DHX9: variants seen among roughly 807,000 people sequenced by gnomAD.
The protein encoded by DHX9 is ATP-dependent RNA helicase A.
DHX9 carries 27 observed loss-of-function variants against 148.7 expected under a neutral mutation model. That is an observed-to-expected ratio of 0.18 (90% CI 0.13 to 0.25). The LOEUF is 0.25. DHX9 is among the 10% of genes least tolerant of loss of function. The probability of loss-of-function intolerance (pLI) is 1.00; values close to 1 mark genes in which losing one functional copy is unlikely to be tolerated. For synonymous variants in DHX9, 529 were observed against 516.6 expected, an observed-to-expected ratio of 1.02 and a Z score of -0.33; for missense variants, 796 against 1,559.6, an observed-to-expected ratio of 0.51 and a Z score of 8.25.
At chr1:182,866,420 C>T (rs1220774982) in intron 12 of DHX9, 24 bp from the exon 13 acceptor site, 1 of 1,609,670 alleles carries the variant, frequency 6.2e-7, no homozygotes, top group South Asian at 1.1e-5. Context: ...GTTGTTAAGT[C>T]ACTTTTCTTT....
chr1:182,864,025 G>A (rs1407477156), intron 12 of DHX9, among the ~76,000 whole-genome samples: 3 of 152,226 alleles, frequency 2.0e-5, no homozygotes, highest in South Asian at 2.1e-4. Flanking sequence ...TTAATTAGGC[G>A]TGATGGCACC....
intron 26 of DHX9, 116 bp downstream of exon 26, chr1:182,883,751 A>G (rs1313892430): frequency 6.7e-6 from 4 of 594,216 alleles, no homozygotes; most frequent in South Asian, 6.4e-5. Context: ...ATTATATACT[A>G]TATACTTAAT....
At position 182,881,790 on chromosome 1, in the gene DHX9, A is replaced by G. The variant is rs527636793; in HGVS notation, c.2914+143A>G. On this transcript the variant is annotated intron_variant, in intron 24 of 27. Coordinates refer to ENST00000367549, the MANE Select transcript of DHX9 (RefSeq NM_001357.5). ...CGACTATTTCTTAGTTCTCGTGAAC[A>G]CTGGTCTAGTTCCCAGAATGAGTAC... The G allele has an allele frequency of 8.2e-6, 7 of 857,152 alleles. No homozygotes were observed. In the Admixed American group the frequency reaches 1.7e-4, roughly 20 times the overall value. The allele number at this position is 857,152 out of a possible 1,614,324, so 53.1% of individuals were successfully genotyped here.
chr1:182,867,215 CTTTA>C (rs1648335319), intron 14 of DHX9, among the ~76,000 whole-genome samples, 172 bp downstream of exon 14: 1 of 151,600 alleles, frequency 6.6e-6, no homozygotes, highest in South Asian at 2.1e-4. Flanking sequence ...TCTTTTTTTT[CTTTA>C]TTGTTAAACT....
Position 182,843,296 on chromosome 1 carries a change from T to C in DHX9, c.114T>C (p.Val38=), listed in dbSNP as rs370529753. 2 of 1,568,218 alleles carry C rather than the reference T, an allele frequency of 1.3e-6. No individual in the cohort carries two copies. Among genetic ancestry groups the C allele is most frequent in the Non-Finnish European group, 1.7e-6 (2 of 1,164,674 alleles). The part of the protein sequence containing the change: ...NKNRQKFMCE[V]QVEGYNYTGM... ...AGTACTTTTTTTTTTTTTTAAAGGT[T>C]CAGGTGGAAGGTTATAATTACACTG... is the stretch of plus-strand genomic sequence containing the variant. The change falls in exon 3 of 28, where the codon GTT becomes GTC. Residue 38 remains valine, a splice_region_variant and synonymous_variant. Transcript: ENST00000367549.
chr1:182,857,955 A>T (rs1322926639), intron 7 of DHX9, 149 bp from the exon 8 acceptor site: 2 of 714,340 alleles, frequency 2.8e-6, no homozygotes, highest in African/African-American at 3.6e-5. Context: ...TGTTTAGCAG[A>T]TATTAATAGA....
rs941249040 is a variant in DHX9, at chr1:182,887,611, A to G, written c.*177A>G. Reference sequence around the variant, plus strand: ...TATAGATGCATTAGTGATTTTGTTTATATTATGTAAAATATAACGATCTCT... The same window carrying G: ...TATAGATGCATTAGTGATTTTGTTTGTATTATGTAAAATATAACGATCTCT... On this transcript the variant is annotated 3_prime_UTR_variant, in exon 28 of 28. Transcript: ENST00000367549. 6.2e-5 allele frequency: 36 copies of G among 580,622 alleles called. No individual in the cohort carries two copies. The highest frequency in any genetic ancestry group is 7.0e-5 in the Non-Finnish European group (23 of 327,602). The allele number at this position is 580,622 out of a possible 1,614,324, so 36.0% of individuals were successfully genotyped here. A position where few individuals can be genotyped will look rare whatever the true frequency, so the allele number is the denominator to read the frequency against.
intron 6 of DHX9, among the ~76,000 whole-genome samples, chr1:182,856,127 A>G (rs970677038): frequency 6.6e-6 from 1 of 152,246 alleles, no homozygotes; most frequent in African/African-American, 2.4e-5. Context: ...TGGCCTATGC[A>G]AAGGAATCTT....
At chr1:182,857,874 A>G (rs1280524595) in intron 7 of DHX9, among the ~76,000 whole-genome samples, 1 of 152,228 alleles carries the variant, frequency 6.6e-6, no homozygotes, top group East Asian at 1.9e-4. Context: ...ATTGATTTGT[A>G]TGAGTCCTAG....
chr1:182,856,087 T>A (rs1668246618), intron 6 of DHX9, among the ~76,000 whole-genome samples: 1 of 152,220 alleles, frequency 6.6e-6, no homozygotes, highest in African/African-American at 2.4e-5. Flanking sequence ...TTTGCGTATA[T>A]TAGCTTAATA....
rs950659498 is a variant in DHX9, at chr1:182,878,245, T to C, written c.2351+72T>C. On this transcript the variant is annotated intron_variant, in intron 20 of 27. Coordinates refer to ENST00000367549, the MANE Select transcript of DHX9 (RefSeq NM_001357.5). Reference sequence around the variant, plus strand: ...CTGTAGGGACAGATGTGTGCAGTTATGTAAACCTGCCAATATAAGCTGATC... The same window carrying C: ...CTGTAGGGACAGATGTGTGCAGTTACGTAAACCTGCCAATATAAGCTGATC... The C allele has an allele frequency of 3.2e-5, 49 of 1,518,124 alleles. 1 individual carries two copies. In the Middle Eastern group the frequency reaches 1.1e-3, roughly 33 times the overall value. The allele number at this position is 1,518,124 out of a possible 1,614,324, so 94.0% of individuals were successfully genotyped here.
intron 2 of DHX9, among the ~76,000 whole-genome samples, 172 bp downstream of exon 2, chr1:182,842,849 A>G (rs1667956416): frequency 6.6e-6 from 1 of 152,212 alleles, no homozygotes; most frequent in South Asian, 2.1e-4. Context: ...TACTTTTAAA[A>G]CAATCTGACA....
At chr1:182,850,089 TC>T (rs2102593269) in intron 3 of DHX9, among the ~76,000 whole-genome samples, 1 of 151,706 alleles carries the variant, frequency 6.6e-6, no homozygotes, top group Non-Finnish European at 1.5e-5. Flanking sequence ...TCTCTAATTA[TC>T]TTTCTGTCTC....
Position 182,884,823 on chromosome 1 carries a change from AAT to A in DHX9, c.3461+14_3461+15del. 1 of 1,613,518 alleles carries A rather than the reference AAT, an allele frequency of 6.2e-7. No individual in the cohort carries two copies. Among genetic ancestry groups the A allele is most frequent in the Non-Finnish European group, 8.5e-7 (1 of 1,179,448 alleles). Reference sequence around the variant, plus strand: ...TGATTGGCAGTACACGGTGAGTACCAATATACTTCTTACTGAACCAAGTAGAG... The same window carrying A: ...TGATTGGCAGTACACGGTGAGTACCAATACTTCTTACTGAACCAAGTAGAG... On this transcript the variant is annotated intron_variant, in intron 27 of 27. Coordinates refer to ENST00000367549, the MANE Select transcript of DHX9 (RefSeq NM_001357.5).
chr1:182,880,553 A>C lies in DHX9; in HGVS notation c.2569A>C (p.Lys857Gln). The stretch of plus-strand genomic sequence containing the variant: ...GACTCCTTTGGGACGAATCCTGGCT[A>C]AACTCCCCATTGAGCCTCGTTTTGG... ...ELTPLGRILA[K>Q]LPIEPRFGKM... The change falls in exon 22 of 28, where the codon AAA (lysine) becomes CAA (glutamine). Residue 857 changes from lysine to glutamine, a missense_variant. Physicochemically the swap from Lys to Gln is moderately conservative, Grantham distance 53. Transcript: ENST00000367549. 1 of 1,614,032 alleles carries C rather than the reference A, an allele frequency of 6.2e-7. No individual in the cohort carries two copies. The highest frequency in any genetic ancestry group is 8.5e-7 in the Non-Finnish European group (1 of 1,179,898).
At chr1:182,866,930 C>T (rs369574648) in intron 13 of DHX9, 31 bp from the exon 14 acceptor site, 3 of 1,562,568 alleles carry the variant, frequency 1.9e-6, no homozygotes, top group East Asian at 2.3e-5. Flanking sequence ...TTGAACTTTT[C>T]TATAGTTTAT....
In DHX9 at chr1:182,874,904, A is replaced by G; in HGVS notation, c.1765A>G (p.Lys589Glu). The G allele has an allele frequency of 1.2e-6, 2 of 1,613,488 alleles. No individual in the cohort carries two copies. The highest frequency in any genetic ancestry group is 1.7e-6 in the Non-Finnish European group (2 of 1,179,580). The stretch of plus-strand genomic sequence containing the variant: ...GATGACCCACTTTGTTCCTCCACCA[A>G]AAGACAAAAAGAAGAAGGATAAGGA... ...IQMTHFVPPP[K>E]DKKKKDKDDD... The change falls in exon 16 of 28, where the codon AAA becomes GAA. Residue 589 changes from lysine (K) to glutamate (E), a missense_variant. Lys to Glu is a moderately conservative substitution (Grantham distance 56). Around this residue, in one of 14 missense-constraint regions of DHX9, gnomAD observed 133 missense variants for 223.8 expected, o/e 0.59. Transcript: ENST00000367549.
chr1:182,864,255 G>A (rs1648180032), intron 12 of DHX9, among the ~76,000 whole-genome samples: 1 of 152,090 alleles, frequency 6.6e-6, no homozygotes, highest in Non-Finnish European at 1.5e-5. Context: ...CCTAACTGAT[G>A]TTTATTTTTG....
At chr1:182,863,217 T>C (rs1216677546) in intron 12 of DHX9, among the ~76,000 whole-genome samples, 2 of 152,194 alleles carry the variant, frequency 1.3e-5, no homozygotes. Context: ...ATAGTTAAAA[T>C]AATAAAAAGT....
Sources: allele counts gnomAD v4.1 joint callset (sites outside exome capture counted in the v4.1 genomes callset), GRCh38; gene constraint gnomAD v4.1.1; regional missense constraint gnomAD v4.1.1; transcripts MANE v1.5; gene names NCBI Gene and HGNC (gene_info 2026-07-23, HGNC 2026-07-21).